Variants in LHFPL3 observed in about 807,000 individuals in gnomAD.
The protein encoded by LHFPL3 is LHFPL tetraspan subfamily member 3 protein.
In LHFPL3, 5 loss-of-function variants were observed where a neutral mutation model predicts 19.3. That is an observed-to-expected ratio of 0.26 (90% confidence interval 0.14 to 0.54). LHFPL3 has a LOEUF of 0.54. Ranked by LOEUF, LHFPL3 falls within the 20% of genes least tolerant of loss-of-function variation. The pLI is 0.94. For synonymous variants in LHFPL3, 133 were observed against 126.2 expected (o/e 1.05, Z -0.36); for missense variants, 249 against 307.4 (o/e 0.81, Z 1.42).
At chr7:104,333,107 T>C (rs1350963956) in intron 1 of LHFPL3, among the ~76,000 whole-genome samples, 2 of 152,180 alleles carry the variant, frequency 1.3e-5, no homozygotes, top group Non-Finnish European at 2.9e-5. Context: ...GCTTCTATGT[T>C]CTTGTTCTCT....
intron 2 of LHFPL3, among the ~76,000 whole-genome samples, chr7:104,837,964 T>C (rs1365203103): frequency 6.6e-6 from 1 of 152,216 alleles, no homozygotes; most frequent in Admixed American, 6.5e-5. Context: ...TATAAACATG[T>C]TATATTAACA....
At chr7:104,520,576 C>T (rs1794036916) in intron 1 of LHFPL3, among the ~76,000 whole-genome samples, 1 of 137,604 alleles carries the variant, frequency 7.3e-6, no homozygotes, top group South Asian at 2.4e-4. Flanking sequence ...CCATCTGGTC[C>T]TGGACTCTTT....
chr7:104,377,500 C>A (rs1413128848), intron 1 of LHFPL3, among the ~76,000 whole-genome samples: 2 of 152,144 alleles, frequency 1.3e-5, no homozygotes, highest in Admixed American at 1.3e-4. Context: ...GGAAAAGCAT[C>A]TCTCCATTAT....
chr7:104,757,497 A>G (rs1340190972), intron 2 of LHFPL3: 1 of 152,200 alleles, frequency 6.6e-6, no homozygotes, highest in East Asian at 1.9e-4. Context: ...TAAGGCACTT[A>G]AACAACTCAA....
chr7:104,551,157 T>C (rs1175415507), intron 1 of LHFPL3, among the ~76,000 whole-genome samples: 1 of 152,082 alleles, frequency 6.6e-6, no homozygotes, highest in Non-Finnish European at 1.5e-5. Context: ...TTTGCGAGCA[T>C]TTTATAAAAA....
intron 1 of LHFPL3, among the ~76,000 whole-genome samples, chr7:104,672,946 C>T (rs1792514435): frequency 6.6e-6 from 1 of 152,062 alleles, no homozygotes; most frequent in African/African-American, 2.4e-5. Flanking sequence ...GGTCATTTCT[C>T]AGATGACTCT....
intron 1 of LHFPL3, among the ~76,000 whole-genome samples, chr7:104,648,528 AAAGAT>A (rs767284263): frequency 6.6e-6 from 1 of 152,232 alleles, no homozygotes; most frequent in African/African-American, 2.4e-5. Context: ...CGAAACTTGT[AAAGAT>A]AAGATAAGTT....
chr7:104,487,439 A>G (rs1317044572), intron 1 of LHFPL3, among the ~76,000 whole-genome samples: 2 of 152,234 alleles, frequency 1.3e-5, no homozygotes, highest in African/African-American at 2.4e-5. Context: ...TGAACAGGAT[A>G]TCATCCCATC....
intron 1 of LHFPL3, among the ~76,000 whole-genome samples, chr7:104,681,296 T>A (rs905163110): frequency 3.9e-5 from 6 of 152,030 alleles, no homozygotes; most frequent in African/African-American, 1.2e-4. Context: ...TCTAGAATAA[T>A]CCTTGGCACT....
intron 1 of LHFPL3, among the ~76,000 whole-genome samples, chr7:104,701,296 A>T (rs1401667613): frequency 1.3e-5 from 2 of 152,116 alleles, no homozygotes; most frequent in Non-Finnish European, 2.9e-5. Flanking sequence ...TGAACAATGC[A>T]GGGATTAAGG....
intron 1 of LHFPL3, among the ~76,000 whole-genome samples, chr7:104,735,948 T>C (rs113727170): frequency 6.6e-6 from 1 of 152,232 alleles, no homozygotes; most frequent in Non-Finnish European, 1.5e-5. Context: ...AGTTCAGATA[T>C]CTCTTTGACA....
chr7:104,411,744 A>G (rs1407747801), intron 1 of LHFPL3, among the ~76,000 whole-genome samples: 1 of 152,220 alleles, frequency 6.6e-6, no homozygotes, highest in Non-Finnish European at 1.5e-5. Context: ...AAAGAAGGGT[A>G]GTATTGAAAA....
intron 1 of LHFPL3, among the ~76,000 whole-genome samples, chr7:104,482,109 C>T (rs1316652342): frequency 6.6e-6 from 1 of 152,188 alleles, no homozygotes; most frequent in African/African-American, 2.4e-5. Flanking sequence ...GGTACAAAAG[C>T]CCCACTCCTT....
chr7:104,337,615 A>G (rs1789854624), intron 1 of LHFPL3, among the ~76,000 whole-genome samples: 1 of 152,208 alleles, frequency 6.6e-6, no homozygotes, highest in Non-Finnish European at 1.5e-5. Context: ...GACGAAAAGC[A>G]TTTCTAATGT....
chr7:104,675,654 CA>C (rs1162329690), intron 1 of LHFPL3, among the ~76,000 whole-genome samples: 1 of 152,122 alleles, frequency 6.6e-6, no homozygotes, highest in Non-Finnish European at 1.5e-5. Flanking sequence ...GAGAAATAAT[CA>C]CATTTTGAGT....
chr7:104,459,739 T>C (rs1213941032), intron 1 of LHFPL3, among the ~76,000 whole-genome samples: 1 of 152,210 alleles, frequency 6.6e-6, no homozygotes, highest in Non-Finnish European at 1.5e-5. Flanking sequence ...GGATTAATGA[T>C]GGGATCCAAC....
At position 104,587,690 on chromosome 7, in the gene LHFPL3, G is replaced by A. The variant is rs540960230; in HGVS notation, c.446-148985G>A. Among the ~76,000 whole-genome samples the A allele has an allele frequency of 1.4e-4, 21 of 151,950 alleles. No homozygotes were observed. The East Asian group carries it at 1.5e-3, about 11-fold the overall frequency. On this transcript the variant is annotated intron_variant, in intron 1 of 2. Coordinates refer to ENST00000424859, the MANE Select transcript of LHFPL3 (RefSeq NM_199000.3). ...TCTAGTTCTAGATCCCTGAGGAATC[G>A]CCACACTGACTTCCACAATGGTTGA...
At chr7:104,374,301 G>T (rs1301245426) in intron 1 of LHFPL3, among the ~76,000 whole-genome samples, 1 of 151,540 alleles carries the variant, frequency 6.6e-6, no homozygotes, top group Non-Finnish European at 1.5e-5. Flanking sequence ...GAGTACAATG[G>T]CGTGATCTTG....
chr7:104,893,952 A>C (rs1224294996), intron 2 of LHFPL3, among the ~76,000 whole-genome samples: 3 of 27,272 alleles, frequency 1.1e-4, no homozygotes, highest in African/African-American at 6.8e-4. Context: ...ACTCCATCTC[A>C]AAAAAAAAAA....
Sources: gnomAD v4.1 joint callset for allele counts (sites outside exome capture counted in the v4.1 genomes callset) on GRCh38, gnomAD v4.1.1 for gene constraint, MANE v1.5 for transcripts, NCBI Gene and HGNC (gene_info 2026-07-23, HGNC 2026-07-21) for gene names.